Variants in ARHGAP21 observed in about 807,000 individuals in gnomAD.
ARHGAP21 encodes Rho GTPase activating protein 21.
ARHGAP21 carries 38 observed loss-of-function variants against 164.6 expected under a neutral mutation model. The ratio of observed to expected loss-of-function variants is 0.23; its 90% CI spans 0.18 to 0.30. ARHGAP21 has a LOEUF of 0.30. Ranked by LOEUF, ARHGAP21 falls within the 10% of genes least tolerant of loss-of-function variation. The pLI is 1.00. For synonymous variants in ARHGAP21, 766 were observed against 857.9 expected, an observed-to-expected ratio of 0.89 and a Z score of 1.87; for missense variants, 1,822 against 2,370.7, an observed-to-expected ratio of 0.77 and a Z score of 4.81.
intron 2 of ARHGAP21, among the ~76,000 whole-genome samples, chr10:24,701,967 A>C (rs1843708619): frequency 1.3e-5 from 2 of 152,216 alleles, no homozygotes; most frequent in East Asian, 3.9e-4. Context: ...GAAACCAAGA[A>C]CTGGGATTAT....
At chr10:24,597,815 T>C (rs757727945) in intron 15 of ARHGAP21, 130 bp downstream of exon 15, 2 of 1,120,144 alleles carry the variant, frequency 1.8e-6, no homozygotes, top group Non-Finnish European at 2.6e-6. Flanking sequence ...AAATATAGCG[T>C]AGAGAGGATT....
intron 12 of ARHGAP21, among the ~76,000 whole-genome samples, chr10:24,604,051 G>GT (rs1330589243): frequency 6.7e-6 from 1 of 149,852 alleles, no homozygotes; most frequent in Non-Finnish European, 1.5e-5. Flanking sequence ...CAGGGGTGGG[G>GT]TGGGGGGTGT....
chr10:24,589,228 C>T (rs571042694), intron 25 of ARHGAP21, 43 bp downstream of exon 25: 4 of 1,552,394 alleles, frequency 2.6e-6, no homozygotes, highest in Middle Eastern at 1.7e-4. Flanking sequence ...AGCCGAAAAA[C>T]AATTCCCCCC....
intron 7 of ARHGAP21, 125 bp from the exon 8 acceptor site, chr10:24,622,887 CA>C (rs1304286546): frequency 1.1e-6 from 1 of 885,070 alleles, no homozygotes; most frequent in East Asian, 2.7e-5. Context: ...TGGAAGGTAC[CA>C]AGAGAGGTAA....
Position 24,595,207 on chromosome 10 carries a change from TAAAAC to T in ARHGAP21, c.3713-22_3713-18del, listed in dbSNP as rs1001390982. The T allele has an allele frequency of 9.4e-6, 15 of 1,593,950 alleles. No homozygotes were observed. The Admixed American group carries it at 1.4e-4, about 15-fold the overall frequency. On this transcript the variant is annotated intron_variant, in intron 19 of 25. Coordinates refer to ENST00000396432, the MANE Select transcript of ARHGAP21 (RefSeq NM_020824.4). ...CATATTTATCTGACGACAAGAACAATAAAACAAATTTATCTTAAATTGCCTAGGTG... is the reference window on the plus strand; with the variant it reads ...CATATTTATCTGACGACAAGAACAATAAATTTATCTTAAATTGCCTAGGTG...
At chr10:24,683,924 C>A (rs1402845285) in intron 2 of ARHGAP21, among the ~76,000 whole-genome samples, 3 of 152,100 alleles carry the variant, frequency 2.0e-5, no homozygotes, top group Non-Finnish European at 2.9e-5. Context: ...AAAAACAAAT[C>A]AAAATAAAAA....
chr10:24,641,517 T>A (rs1400576739), intron 4 of ARHGAP21, among the ~76,000 whole-genome samples: 1 of 152,182 alleles, frequency 6.6e-6, no homozygotes, highest in Non-Finnish European at 1.5e-5. Context: ...ATGTCACCTG[T>A]CAGGTCTCAA....
intron 4 of ARHGAP21, among the ~76,000 whole-genome samples, chr10:24,635,901 A>C (rs1201223715): frequency 1.3e-5 from 2 of 152,224 alleles, no homozygotes; most frequent in Non-Finnish European, 2.9e-5. Flanking sequence ...AATGAACAAG[A>C]CATATTCCTT....
chr10:24,655,834 G>C (rs1387753999), intron 4 of ARHGAP21, among the ~76,000 whole-genome samples: 3 of 126,328 alleles, frequency 2.4e-5, no homozygotes, highest in Non-Finnish European at 3.3e-5. Flanking sequence ...GCCGCCCATC[G>C]TCTGAGATGT....
intron 13 of ARHGAP21, 30 bp from the exon 14 acceptor site, chr10:24,600,960 T>C (rs370371298): frequency 1.3e-6 from 2 of 1,595,922 alleles, no homozygotes; most frequent in African/African-American, 2.7e-5. Context: ...TCTTTAATAG[T>C]CAATATTTGG....
At chr10:24,614,034 C>T (rs549080448) in intron 9 of ARHGAP21, among the ~76,000 whole-genome samples, 2 of 152,288 alleles carry the variant, frequency 1.3e-5, no homozygotes, top group South Asian at 2.1e-4. Context: ...CATGCTGTAA[C>T]AATTTCAACA....
At chr10:24,695,109 A>G (rs1212259994) in intron 2 of ARHGAP21, among the ~76,000 whole-genome samples, 1 of 146,120 alleles carries the variant, frequency 6.8e-6, no homozygotes, top group Non-Finnish European at 1.5e-5. Context: ...AAAAGAAAGA[A>G]AAGAAACTCC....
At chr10:24,713,523 G>C (rs1001577985) in intron 2 of ARHGAP21, among the ~76,000 whole-genome samples, 10 of 151,892 alleles carry the variant, frequency 6.6e-5, no homozygotes, top group African/African-American at 2.2e-4. Flanking sequence ...ATCAAATTTG[G>C]GTTCTCAATC....
chr10:24,689,773 T>C (rs1565168260), intron 2 of ARHGAP21, among the ~76,000 whole-genome samples: 3 of 151,276 alleles, frequency 2.0e-5, no homozygotes, highest in Admixed American at 6.6e-5. Context: ...TGTATGTATA[T>C]ATGTGTGTGT....
chr10:24,611,618 C>T (rs572638186), intron 9 of ARHGAP21, among the ~76,000 whole-genome samples: 48 of 151,970 alleles, frequency 3.2e-4, no homozygotes, highest in African/African-American at 4.6e-4. Flanking sequence ...GCAGGAGAAT[C>T]GCTTGAACCT....
In ARHGAP21 at chr10:24,662,963, G is replaced by T. The variant is rs567765262; in HGVS notation, c.268+4022C>A. The stretch of plus-strand genomic sequence containing the variant: ...TGGGTTTGAACTCTGCAGATATGCG[G>T]ATTTTTTTTTTTTTTCAGTAAAAAT... On this transcript the variant is annotated intron_variant, in intron 4 of 25. Coordinates refer to ENST00000396432, the MANE Select transcript of ARHGAP21 (RefSeq NM_020824.4). 1.6e-4 allele frequency among the ~76,000 whole-genome samples: 12 copies of T among 74,236 alleles called. No individual in the cohort carries two copies. In the East Asian group the frequency reaches 3.6e-3, roughly 23 times the overall value. 48.7% of individuals were successfully genotyped at this position (74,236 alleles called of 152,430 possible). A position where few individuals can be genotyped will look rare whatever the true frequency, so the allele number is the denominator to read the frequency against.
intron 2 of ARHGAP21, among the ~76,000 whole-genome samples, chr10:24,682,778 A>T (rs1238102484): frequency 1.3e-5 from 2 of 151,996 alleles, no homozygotes; most frequent in Non-Finnish European, 1.5e-5. Context: ...TTTTTTCCCA[A>T]AAAGTAATTC....
chr10:24,648,283 A>G (rs893127329), intron 4 of ARHGAP21, among the ~76,000 whole-genome samples: 1 of 152,248 alleles, frequency 6.6e-6, no homozygotes, highest in Non-Finnish European at 1.5e-5. Flanking sequence ...ACAATCACTC[A>G]GATTGTCTCC....
At chr10:24,715,029 C>A (rs1432389056) in intron 2 of ARHGAP21, among the ~76,000 whole-genome samples, 78 of 143,398 alleles carry the variant, frequency 5.4e-4, no homozygotes, top group Admixed American at 7.7e-4. Flanking sequence ...GAGTCCATCT[C>A]AAAAAAAAAA....
Sources: allele counts gnomAD v4.1 joint callset (sites outside exome capture counted in the v4.1 genomes callset), GRCh38; gene constraint gnomAD v4.1.1; transcripts MANE v1.5; gene names NCBI Gene and HGNC (gene_info 2026-07-23, HGNC 2026-07-21).